Variants in TRIM37 observed in about 807,000 individuals in gnomAD.
TRIM37 encodes E3 ubiquitin-protein ligase TRIM37.
Under a neutral mutation model 129.8 loss-of-function variants are expected in TRIM37, and 80 were observed. The ratio of observed to expected loss-of-function variants is 0.62; its 90% CI spans 0.51 to 0.74. TRIM37 has a LOEUF of 0.74. TRIM37 is among the 30% of genes least tolerant of loss of function. The pLI, the probability that TRIM37 is intolerant of heterozygous loss-of-function variation, is 0.00. For missense variants in TRIM37, 1,054 were observed against 1,176.5 expected (o/e 0.90, Z 1.52); for synonymous variants, 389 against 387.1 (o/e 1.00, Z -0.06).
chr17:59,002,887 A>G (rs796766151), intron 22 of TRIM37, among the ~76,000 whole-genome samples: 5 of 151,908 alleles, frequency 3.3e-5, no homozygotes, highest in African/African-American at 1.2e-4. Flanking sequence ...TAATGTTAAA[A>G]TTTTTGTTTG....
chr17:59,071,761 TA>T (rs2042391831), intron 8 of TRIM37, among the ~76,000 whole-genome samples: 1 of 152,182 alleles, frequency 6.6e-6, no homozygotes, highest in African/African-American at 2.4e-5. Context: ...CCATGGTAGA[TA>T]AAAGATAAGA....
rs576978955 is a variant in TRIM37 at position 59,051,101 on chromosome 17, A to G, written c.1314+113T>C. On this transcript the variant is annotated intron_variant, in intron 14 of 23. Transcript: ENST00000262294. ...AACAAGATAACTAGATTTTTTTTCT[A>G]ATTACAAATTACAAAATTACAAATA... 2.7e-5 allele frequency: 20 copies of G among 750,372 alleles called. No homozygotes were observed. The East Asian group carries it at 4.7e-4, about 18-fold the overall frequency. 46.5% of individuals were successfully genotyped at this position (750,372 alleles called of 1,614,324 possible). A position where few individuals can be genotyped will look rare whatever the true frequency, so the allele number is the denominator to read the frequency against.
At chr17:58,969,330 T>G in the TRIM37 span, 4 of 665,678 alleles carry the variant, frequency 6.0e-6, no homozygotes, top group African/African-American at 7.1e-5. Context: ...CATGTTCCAG[T>G]GTTCTGGTGT....
chr17:59,077,814 A>AAT (rs1239537342), intron 7 of TRIM37, among the ~76,000 whole-genome samples: 2 of 149,510 alleles, frequency 1.3e-5, no homozygotes, highest in African/African-American at 4.9e-5. Context: ...CATCTCAAAA[A>AAT]AAAAAAAAAA....
intron 19 of TRIM37, among the ~76,000 whole-genome samples, chr17:59,024,590 C>T (rs2037020790): frequency 6.6e-6 from 1 of 152,150 alleles, no homozygotes. Context: ...TGCAGTGGCA[C>T]GATCACGGCT....
At chr17:59,049,750 G>A (rs988336662) in intron 14 of TRIM37, among the ~76,000 whole-genome samples, 4 of 152,098 alleles carry the variant, frequency 2.6e-5, no homozygotes, top group East Asian at 1.9e-4. Flanking sequence ...CTCTGGCCTC[G>A]GCCTCCCAAC....
chr17:58,993,089 A>C (rs2032611673), intron 24 of TRIM37, among the ~76,000 whole-genome samples: 1 of 152,146 alleles, frequency 6.6e-6, no homozygotes, highest in African/African-American at 2.4e-5. Flanking sequence ...CTGTTTTTGT[A>C]ATACTGAATA....
At chr17:59,017,880 C>T (rs1261021789) in intron 19 of TRIM37, among the ~76,000 whole-genome samples, 1 of 152,160 alleles carries the variant, frequency 6.6e-6, no homozygotes, top group Admixed American at 6.6e-5. Context: ...CCTGCCGCGG[C>T]CTCCCAAAAT....
rs576469542 is a variant in TRIM37, at chr17:59,011,566, T to G, written c.2695+762A>C. 5.3e-5 allele frequency among the ~76,000 whole-genome samples: 8 copies of G among 152,310 alleles called. No individual in the cohort carries two copies. In the East Asian group the frequency reaches 5.8e-4, roughly 11 times the overall value. Reference sequence around the variant, plus strand: ...CAAGGCCAAATATCATTAAGAGAGTTGACATTCTTTTCTACCAATTTATAA... The same window carrying G: ...CAAGGCCAAATATCATTAAGAGAGTGGACATTCTTTTCTACCAATTTATAA... On this transcript the variant is annotated intron_variant, in intron 22 of 23. Transcript: ENST00000262294.
Position 59,088,405 on chromosome 17 carries a change from G to C in TRIM37, c.167C>G (p.Ala56Gly), listed in dbSNP as rs2043967254. 6.3e-7 allele frequency: 1 copy of C among 1,587,892 alleles called. No homozygotes were observed. Among genetic ancestry groups the C allele is most frequent in the Non-Finnish European group, 8.6e-7 (1 of 1,156,226 alleles). Reference protein sequence around the residue: ...EQRAQCPHCRAPLQLRELVNC... With the variant: ...EQRAQCPHCRGPLQLRELVNC... ...TACTAGTTCTCGTAGCTGGAGTGGA[G>C]CACTGGGGAGAAAATCCATACACAT... The change falls in exon 4 of 24, where the codon GCT (alanine) becomes GGT (glycine). Residue 56 changes from alanine (A) to glycine (G), a missense_variant and splice_region_variant. Ala to Gly is a moderately conservative substitution (Grantham distance 60). This residue lies in a region of TRIM37 where 752 missense variants were observed against 870.8 expected (regional missense o/e 0.86). Transcript: ENST00000262294.
At chr17:59,009,136 CTT>C (rs930416497) in intron 22 of TRIM37, among the ~76,000 whole-genome samples, 1 of 151,614 alleles carries the variant, frequency 6.6e-6, no homozygotes, top group Non-Finnish European at 1.5e-5. Flanking sequence ...TTCTTTTCTT[CTT>C]TTTTTTGAGA....
intron 7 of TRIM37, 26 bp from the exon 8 acceptor site, chr17:59,075,740 C>CCA: frequency 6.6e-7 from 1 of 1,504,250 alleles, no homozygotes; most frequent in South Asian, 1.1e-5. Flanking sequence ...GAATCATCAA[C>CCA]ACTTGGGTTC....
At chr17:59,091,577 A>ATT (rs398119924) in intron 2 of TRIM37, among the ~76,000 whole-genome samples, 1 of 120,462 alleles carries the variant, frequency 8.3e-6, no homozygotes, top group African/African-American at 3.4e-5. Context: ...TAATATATAT[A>ATT]ATGTATAATA....
At chr17:59,041,615 A>G (rs942748352) in intron 17 of TRIM37, among the ~76,000 whole-genome samples, 198 bp downstream of exon 17, 1 of 152,224 alleles carries the variant, frequency 6.6e-6, no homozygotes, top group Non-Finnish European at 1.5e-5. Context: ...CTGGTACATA[A>G]AACATTTTTC....
chr17:59,038,548 T>G (rs1189126931), intron 17 of TRIM37, among the ~76,000 whole-genome samples: 1 of 152,158 alleles, frequency 6.6e-6, no homozygotes, highest in Non-Finnish European at 1.5e-5. Flanking sequence ...ATTGTATCTC[T>G]AGATAGTAAA....
the TRIM37 span, among the ~76,000 whole-genome samples, chr17:58,974,044 C>T: frequency 6.7e-6 from 1 of 150,002 alleles, no homozygotes; most frequent in Non-Finnish European, 1.5e-5. Context: ...GGAAGGATTG[C>T]TTGAGTCCAG....
chr17:59,021,040 G>A (rs758434991), intron 19 of TRIM37, among the ~76,000 whole-genome samples: 1 of 152,142 alleles, frequency 6.6e-6, no homozygotes, highest in Non-Finnish European at 1.5e-5. Flanking sequence ...GTTTACTACA[G>A]CATTATTCAC....
chr17:59,073,644 C>T (rs976846670), intron 8 of TRIM37, among the ~76,000 whole-genome samples: 6 of 152,158 alleles, frequency 3.9e-5, no homozygotes, highest in African/African-American at 1.2e-4. Flanking sequence ...AGGCGAGCGC[C>T]GTGGCTATTC....
At chr17:58,974,052 C>T in the TRIM37 span, among the ~76,000 whole-genome samples, 1 of 151,318 alleles carries the variant, frequency 6.6e-6, no homozygotes, top group Non-Finnish European at 1.5e-5. Flanking sequence ...TGCTTGAGTC[C>T]AGGAGTTTGA....
Sources: gnomAD v4.1 joint callset for allele counts (sites outside exome capture counted in the v4.1 genomes callset) on GRCh38, gnomAD v4.1.1 for gene constraint, gnomAD v4.1.1 regional missense constraint, MANE v1.5 for transcripts, NCBI Gene and HGNC (gene_info 2026-07-23, HGNC 2026-07-21) for gene names.